Variants in NAV3 observed in about 807,000 individuals in gnomAD.
NAV3 encodes the protein pore membrane and/or filament interacting like protein 1.
Under a neutral mutation model 244.7 loss-of-function variants are expected in NAV3, and 87 were observed. That is an observed-to-expected ratio of 0.36 (90% confidence interval 0.30 to 0.42). NAV3 has a LOEUF of 0.42. Among genes scored for constraint, NAV3 ranks in the 20% least tolerant of loss-of-function variants. The probability of loss-of-function intolerance (pLI) is 1.00; values close to 1 mark genes in which losing one functional copy is unlikely to be tolerated. For missense variants in NAV3, 2,663 were observed against 2,893.3 expected (o/e 0.92, Z 1.83); for synonymous variants, 1,126 against 1,042.2 (o/e 1.08, Z -1.55).
At chr12:77,818,907 T>C (rs1387046782) in intron 2 of NAV3, among the ~76,000 whole-genome samples, 1 of 152,078 alleles carries the variant, frequency 6.6e-6, no homozygotes, top group Non-Finnish European at 1.5e-5. Context: ...CTTTTAAAAG[T>C]AAACAAATAG....
intron 2 of NAV3, among the ~76,000 whole-genome samples, chr12:77,668,634 GA>G (rs1873827183): frequency 6.6e-6 from 1 of 152,124 alleles, no homozygotes; most frequent in Non-Finnish European, 1.5e-5. Flanking sequence ...AAGCCTCCAA[GA>G]AGTATAGGAC....
At chr12:77,745,138 T>G (rs1379556910) in intron 2 of NAV3, among the ~76,000 whole-genome samples, 1 of 152,062 alleles carries the variant, frequency 6.6e-6, no homozygotes, top group Non-Finnish European at 1.5e-5. Flanking sequence ...TGTTGTCTTT[T>G]GGTTTAAACC....
intron 2 of NAV3, among the ~76,000 whole-genome samples, chr12:77,645,026 C>G (rs950347794): frequency 3.3e-5 from 5 of 152,062 alleles, no homozygotes; most frequent in Non-Finnish European, 7.4e-5. Context: ...ATCCTGACCC[C>G]TCCCAAAAAC....
intron 12 of NAV3, among the ~76,000 whole-genome samples, chr12:78,107,774 GGAC>G (rs1244847502): frequency 1.1e-4 from 17 of 152,080 alleles, no homozygotes; most frequent in Admixed American, 1.0e-3. Context: ...AGTAGTGAAA[GGAC>G]GACATTTATC....
At chr12:77,714,206 G>A (rs116861229) in intron 2 of NAV3, among the ~76,000 whole-genome samples, 4,676 of 152,116 alleles carry the variant, frequency 0.031, 155 homozygotes, top group Middle Eastern at 0.037. Flanking sequence ...TCAGATCTCA[G>A]TAACTTAGAA....
chr12:78,144,482 C>T (rs547451278), intron 20 of NAV3, among the ~76,000 whole-genome samples: 10 of 152,098 alleles, frequency 6.6e-5, no homozygotes, highest in African/African-American at 9.6e-5. Flanking sequence ...TATTCTGGCT[C>T]ATTGCTTTAT....
At chr12:77,807,878 C>G (rs1872067135) in intron 2 of NAV3, among the ~76,000 whole-genome samples, 1 of 152,096 alleles carries the variant, frequency 6.6e-6, no homozygotes, top group Admixed American at 6.5e-5. Flanking sequence ...GGTTCCTTTT[C>G]ATTCTTTTTT....
intron 29 of NAV3, 61 bp downstream of exon 29, chr12:78,179,743 G>C (rs1958420344): frequency 6.5e-7 from 1 of 1,530,698 alleles, no homozygotes; most frequent in African/African-American, 1.4e-5. Flanking sequence ...TGCTTATTCT[G>C]TTCTCTTGGT....
chr12:77,772,743 G>A (rs1411029911), intron 2 of NAV3, among the ~76,000 whole-genome samples: 2 of 152,150 alleles, frequency 1.3e-5, no homozygotes, highest in Middle Eastern at 3.2e-3. Flanking sequence ...GATGGCTCGA[G>A]CAGTTGGAAT....
At chr12:77,670,868 G>A (rs912429786) in intron 2 of NAV3, among the ~76,000 whole-genome samples, 3 of 152,042 alleles carry the variant, frequency 2.0e-5, no homozygotes, top group African/African-American at 7.2e-5. Flanking sequence ...TTCTCCCTAA[G>A]AAGTGGAACA....
At chr12:78,063,674 C>T (rs1205659534) in intron 12 of NAV3, among the ~76,000 whole-genome samples, 2 of 152,034 alleles carry the variant, frequency 1.3e-5, no homozygotes, top group Non-Finnish European at 2.9e-5. Flanking sequence ...AACAGTTACT[C>T]CTACCTGGGA....
rs535906069 is a variant in NAV3, at chr12:78,001,945, A to G, written c.880+3469A>G. Reference sequence around the variant, plus strand: ...ATGAATAATACACTCTGACACCAGCATTTGTCAATTTGCCCAGAACCATAT... The same window carrying G: ...ATGAATAATACACTCTGACACCAGCGTTTGTCAATTTGCCCAGAACCATAT... On this transcript the variant is annotated intron_variant, in intron 7 of 39. Coordinates refer to ENST00000397909, the MANE Select transcript of NAV3 (RefSeq NM_001024383.2). 2.6e-5 allele frequency among the ~76,000 whole-genome samples: 4 copies of G among 152,324 alleles called. No individual in the cohort carries two copies. In the East Asian group the frequency reaches 7.7e-4, roughly 29 times the overall value.
At chr12:77,973,953 T>A (rs1000772999) in intron 5 of NAV3, among the ~76,000 whole-genome samples, 1 of 149,182 alleles carries the variant, frequency 6.7e-6, no homozygotes, top group Non-Finnish European at 1.5e-5. Context: ...AGGATTTTTT[T>A]ATCTCTAGAG....
At chr12:78,161,235 A>G (rs1957532791) in intron 23 of NAV3, among the ~76,000 whole-genome samples, 1 of 152,118 alleles carries the variant, frequency 6.6e-6, no homozygotes, top group African/African-American at 2.4e-5. Flanking sequence ...TGAGGAGTAA[A>G]TCAGATACTG....
chr12:77,723,413 A>T (rs1039527303), intron 2 of NAV3, among the ~76,000 whole-genome samples: 4 of 151,980 alleles, frequency 2.6e-5, no homozygotes, highest in Non-Finnish European at 5.9e-5. Flanking sequence ...CTCCTTAAAG[A>T]GGTTGGCATG....
chr12:78,002,381 T>G (rs1873456880), intron 7 of NAV3, among the ~76,000 whole-genome samples: 1 of 152,190 alleles, frequency 6.6e-6, no homozygotes, highest in Admixed American at 6.5e-5. Flanking sequence ...AGGGCTTCCT[T>G]CTCTTTGTCT....
intron 2 of NAV3, among the ~76,000 whole-genome samples, chr12:77,655,290 C>T (rs867483191): frequency 1.3e-5 from 2 of 151,898 alleles, no homozygotes; most frequent in Non-Finnish European, 2.9e-5. Flanking sequence ...AGCCAAGGCT[C>T]GAGAACTACG....
chr12:77,588,849 A>T (rs1869767166), intron 2 of NAV3, among the ~76,000 whole-genome samples: 1 of 152,222 alleles, frequency 6.6e-6, no homozygotes, highest in Non-Finnish European at 1.5e-5. Context: ...TACAACTTTG[A>T]TTCTGTTTGT....
chr12:77,712,799 G>T (rs146819857), intron 2 of NAV3, among the ~76,000 whole-genome samples: 136 of 152,280 alleles, frequency 8.9e-4, no homozygotes, highest in African/African-American at 3.1e-3. Context: ...AGAAACAAAA[G>T]AAATTCATAC....
Sources: gnomAD v4.1 joint callset for allele counts (sites outside exome capture counted in the v4.1 genomes callset) on GRCh38, gnomAD v4.1.1 for gene constraint, MANE v1.5 for transcripts, NCBI Gene and HGNC (gene_info 2026-07-23, HGNC 2026-07-21) for gene names.